Variants in PIGF observed in about 807,000 individuals in gnomAD.
PIGF encodes the protein GPI ethanolamine phosphate transferase, stabilizing subunit.
A neutral mutation model predicts 26.0 loss-of-function variants in PIGF; 23 were observed. The ratio of observed to expected loss-of-function variants is 0.88; its 90% CI spans 0.64 to 1.25. PIGF has a LOEUF of 1.25. Among genes scored for constraint, PIGF ranks in the 50% most tolerant of loss-of-function variants. The pLI is 0.00. For missense variants in PIGF, 278 were observed against 249.9 expected, an observed-to-expected ratio of 1.11 and a Z score of -0.76; for synonymous variants, 93 against 92.6, an observed-to-expected ratio of 1.00 and a Z score of -0.03.
chr2:46,612,293 A>G lies in PIGF; in HGVS notation c.372T>C (p.Thr124=). Residue 124 remains threonine, a synonymous_variant, in exon 4 of 6, where the codon ACT becomes ACC. Transcript: ENST00000281382. ...GTCCTAACAAACATAAGCAAGGCAC[A>G]GTAGTAAAAGTAGACAAAATAACTG... ...LFAVILSTFT[T]VPCLCLLGPN... 6.7e-7 allele frequency: 1 copy of G among 1,489,500 alleles called. No homozygotes were observed. Among genetic ancestry groups the G allele is most frequent in the Non-Finnish European group, 9.0e-7 (1 of 1,112,212 alleles). The allele number at this position is 1,489,500 out of a possible 1,614,324, so 92.3% of individuals were successfully genotyped here. A position where few individuals can be genotyped will look rare whatever the true frequency, so the allele number is the denominator to read the frequency against.
intron 4 of PIGF, among the ~76,000 whole-genome samples, chr2:46,601,295 GC>G (rs1424883588): frequency 6.6e-6 from 1 of 152,048 alleles, no homozygotes; most frequent in African/African-American, 2.4e-5. Flanking sequence ...AATGTTACAG[GC>G]CAGCCTTCAT....
rs1022152591 is a variant in PIGF at position 46,591,865 on chromosome 2, T to C, written c.546+610A>G. On this transcript the variant is annotated intron_variant, in intron 5 of 5. Coordinates refer to ENST00000281382, the MANE Select transcript of PIGF (RefSeq NM_002643.4). The stretch of plus-strand genomic sequence containing the variant: ...TTGTGATACAAGACGAAAAATCTGA[T>C]GTTTGTGAGCTTTCTTGATAACACA... 5 of 1,303,522 alleles carry C rather than the reference T, an allele frequency of 3.8e-6. No individual in the cohort carries two copies. The African/African-American group carries it at 7.6e-5, about 20-fold the overall frequency. 80.7% of individuals were successfully genotyped at this position (1,303,522 alleles called of 1,614,324 possible).
At chr2:46,608,868 T>C (rs1291877469) in intron 4 of PIGF, among the ~76,000 whole-genome samples, 1 of 152,196 alleles carries the variant, frequency 6.6e-6, no homozygotes, top group African/African-American at 2.4e-5. Context: ...ACTTCGTTGT[T>C]CCATTGACAG....
chr2:46,609,719 G>A (rs1437908854), intron 4 of PIGF, among the ~76,000 whole-genome samples: 4 of 152,142 alleles, frequency 2.6e-5, no homozygotes, highest in African/African-American at 9.7e-5. Context: ...GGGGAAGGGA[G>A]AGAGACAGAG....
chr2:46,582,314 T>G (rs976639424), intron 5 of PIGF: 4 of 152,080 alleles, frequency 2.6e-5, no homozygotes, highest in Non-Finnish European at 4.4e-5. Flanking sequence ...GGAGGAAAAT[T>G]TTCATGTTCT....
At chr2:46,615,544 C>A (rs569732533) in intron 1 of PIGF, 15 of 165,434 alleles carry the variant, frequency 9.1e-5, no homozygotes, top group Non-Finnish European at 1.6e-4. Flanking sequence ...ATTAAATTAT[C>A]TACTGCCTGT....
chr2:46,613,853 A>G, intron 2 of PIGF, 68 bp from the exon 3 acceptor site: 3 of 1,303,738 alleles, frequency 2.3e-6, no homozygotes, highest in Non-Finnish European at 1.1e-6. Context: ...CTTCCATTTC[A>G]TCTACAAACA....
chr2:46,615,025 C>A lies in PIGF; in HGVS notation c.140G>T (p.Cys47Phe), dbSNP rs571127422. Residue 47 changes from cysteine to phenylalanine, a missense_variant, in exon 2 of 6, where the codon TGT (cysteine) becomes TTT (phenylalanine). Cys to Phe is a radical substitution (Grantham distance 205). Transcript: ENST00000281382. ...ATTGACAGCAGTTACAAAACCAGAA[C>A]AGATGCACAACCATGTCAAGTGTGT... is the stretch of plus-strand genomic sequence containing the variant. ...LETHLTWLCI[C>F]SGFVTAVNLV... 34 of 1,608,562 alleles carry A rather than the reference C, an allele frequency of 2.1e-5. 1 individual carries two copies. In the South Asian group the frequency reaches 3.6e-4, roughly 17 times the overall value.
At position 46,617,030 on chromosome 2, in the gene PIGF, CG is replaced by C. The variant is rs1670666875; in HGVS notation, c.-83del. The C allele has an allele frequency of 1.7e-6, 1 of 587,508 alleles. No individual in the cohort carries two copies. Among genetic ancestry groups the C allele is most frequent in the Non-Finnish European group, 3.0e-6 (1 of 330,626 alleles). 36.4% of individuals were successfully genotyped at this position (587,508 alleles called of 1,614,324 possible). ...TACTGCCTCCTACCATCAGGTACGA[CG>C]GGCGGCCCAGGCCCACGCGCAGGCG... On this transcript the variant is annotated 5_prime_UTR_variant, in exon 1 of 6. Transcript: ENST00000281382.
rs5830911 is a variant in PIGF, at chr2:46,594,536, A to AT, written c.438-1954dup. 5.6e-4 allele frequency among the ~76,000 whole-genome samples: 81 copies of AT among 145,028 alleles called. 1 individual carries two copies. The highest frequency in any genetic ancestry group is 1.0e-3 in the East Asian group (5 of 4,946). ...GCTGGAAAAGTAGGGCAGAGTTAGGATTTTTTTTTTTTTTTTGAGACGGAG... is the reference window on the plus strand; with the variant it reads ...GCTGGAAAAGTAGGGCAGAGTTAGGATTTTTTTTTTTTTTTTTGAGACGGAG... On this transcript the variant is annotated intron_variant, in intron 4 of 5. Coordinates refer to ENST00000281382, the MANE Select transcript of PIGF (RefSeq NM_002643.4).
At chr2:46,582,655 T>C (rs1448097600) in intron 5 of PIGF, 1 of 152,674 alleles carries the variant, frequency 6.5e-6, no homozygotes, top group African/African-American at 2.4e-5. Flanking sequence ...TGGGCTTCTG[T>C]TAATTCACAT....
chr2:46,607,562 T>G (rs1042921037), intron 4 of PIGF, among the ~76,000 whole-genome samples: 7 of 152,238 alleles, frequency 4.6e-5, no homozygotes, highest in Non-Finnish European at 1.0e-4. Context: ...TTAAAAATAC[T>G]TTATTACTAA....
At position 46,615,142 on chromosome 2, in the gene PIGF, C is replaced by G. The variant is rs777460550; in HGVS notation, c.23G>C (p.Arg8Thr). The G allele has an allele frequency of 5.9e-6, 9 of 1,528,626 alleles. No individual in the cohort carries two copies. In the South Asian group the frequency reaches 6.8e-5, roughly 11 times the overall value. The allele number at this position is 1,528,626 out of a possible 1,614,324, so 94.7% of individuals were successfully genotyped here. ...GCATAAAAGATGGGTATACAGTAGT[C>G]TCTTGATATCGTTATCTTTCATGGT... MKDNDIK[R>T]LLYTHLLCIF... Residue 8 changes from arginine (R) to threonine (T), a missense_variant, in exon 2 of 6, where the codon AGA becomes ACA. Coordinates refer to ENST00000281382, the MANE Select transcript of PIGF (RefSeq NM_002643.4).
intron 4 of PIGF, among the ~76,000 whole-genome samples, chr2:46,611,253 C>T (rs897729488): frequency 4.6e-5 from 7 of 151,918 alleles, no homozygotes; most frequent in South Asian, 2.1e-4. Flanking sequence ...CTTTGGGAGG[C>T]GAGGCGGGCG....
chr2:46,585,098 C>T (rs1210691182), intron 5 of PIGF, among the ~76,000 whole-genome samples: 2 of 152,120 alleles, frequency 1.3e-5, no homozygotes, highest in African/African-American at 4.8e-5. Flanking sequence ...AAAGTGATAT[C>T]TATTAAATAC....
intron 3 of PIGF, among the ~76,000 whole-genome samples, chr2:46,612,794 A>C (rs913145103): frequency 6.6e-6 from 1 of 152,174 alleles, no homozygotes; most frequent in African/African-American, 2.4e-5. Flanking sequence ...GGAGAGCTGG[A>C]TAAACTAAAG....
intron 4 of PIGF, among the ~76,000 whole-genome samples, chr2:46,610,547 T>G (rs1311176714): frequency 3.4e-5 from 5 of 149,142 alleles, no homozygotes; most frequent in African/African-American, 5.0e-5. Flanking sequence ...TTTTTTTTTT[T>G]GAGACAGATT....
intron 4 of PIGF, among the ~76,000 whole-genome samples, chr2:46,606,424 G>T (rs922638712): frequency 2.6e-4 from 39 of 151,934 alleles, no homozygotes; most frequent in African/African-American, 3.1e-4. Context: ...TTGTTTTGGG[G>T]TTTTTTTCTG....
chr2:46,603,926 C>A (rs563327963), intron 4 of PIGF, among the ~76,000 whole-genome samples: 5 of 152,054 alleles, frequency 3.3e-5, no homozygotes, highest in African/African-American at 9.6e-5. Context: ...AGACAACCCA[C>A]AGAATGGAAG....
Sources: allele counts gnomAD v4.1 joint callset (sites outside exome capture counted in the v4.1 genomes callset), GRCh38; gene constraint gnomAD v4.1.1; transcripts MANE v1.5; gene names NCBI Gene and HGNC (gene_info 2026-07-23, HGNC 2026-07-21).